ADGRE1: variants seen among roughly 807,000 people sequenced by gnomAD.
The protein encoded by ADGRE1 is EGF-like module receptor 1.
Under a neutral mutation model 102.7 loss-of-function variants are expected in ADGRE1, and 82 were observed. That is an observed-to-expected ratio of 0.80 (90% confidence interval 0.67 to 0.96). The LOEUF (loss-of-function observed/expected upper bound fraction) is 0.96. Among genes scored for constraint, ADGRE1 ranks in the 40% least tolerant of loss-of-function variants. ADGRE1 has a pLI of 0.00. For synonymous variants in ADGRE1, 398 were observed against 399.6 expected (o/e 1.00, Z 0.05); for missense variants, 1,032 against 1,085.3 (o/e 0.95, Z 0.69).
At chr19:6,908,821 GCA>G (rs1242897001) in intron 10 of ADGRE1, 49 bp downstream of exon 10, 1 of 1,557,478 alleles carries the variant, frequency 6.4e-7, no homozygotes, top group African/African-American at 1.4e-5. Context: ...AACATCTTGG[GCA>G]CACTTTGGGT....
chr19:6,906,915 A>G (rs1031214294), intron 9 of ADGRE1, among the ~76,000 whole-genome samples: 4 of 152,170 alleles, frequency 2.6e-5, no homozygotes, highest in Non-Finnish European at 5.9e-5. Flanking sequence ...CTGCAAGGGA[A>G]GCTGGGAAGA....
At position 6,926,584 on chromosome 19, in the gene ADGRE1, C is replaced by G. The variant is rs1974922220; in HGVS notation, c.2205C>G (p.Gly735=). ...VVISASVQPQ[G]YGMHNRCWLN... is the part of the protein sequence containing the mutation. ...TCTCTGCCAGTGTGCAGCCACAGGGCTATGGAATGCATAATCGGTGAGTGA... is the reference window on the plus strand; with the variant it reads ...TCTCTGCCAGTGTGCAGCCACAGGGGTATGGAATGCATAATCGGTGAGTGA... Residue 735 remains glycine (G), a synonymous_variant, in exon 16 of 21, where the codon GGC becomes GGG. Coordinates refer to ENST00000312053, the MANE Select transcript of ADGRE1 (RefSeq NM_001974.5). 6.2e-7 allele frequency: 1 copy of G among 1,614,088 alleles called. No homozygotes were observed. Among genetic ancestry groups the G allele is most frequent in the African/African-American group, 1.3e-5 (1 of 74,928 alleles).
In ADGRE1 at chr19:6,896,301, C is replaced by T. The variant is rs1241464374; in HGVS notation, c.95-97C>T. 4 of 1,255,380 alleles carry T rather than the reference C, an allele frequency of 3.2e-6. 1 individual carries two copies. The African/African-American group carries it at 4.5e-5, about 14-fold the overall frequency. 77.8% of individuals were successfully genotyped at this position (1,255,380 alleles called of 1,614,324 possible). ...ATCTTTTGGGAGGAACACAATCCAA[C>T]CCATAACAGTCACCTCCACCCTTGT... On this transcript the variant is annotated intron_variant, in intron 2 of 20. Coordinates refer to ENST00000312053, the MANE Select transcript of ADGRE1 (RefSeq NM_001974.5).
chr19:6,921,600 G>A lies in ADGRE1; in HGVS notation c.1621-113G>A, dbSNP rs559651633. ...ACCAGCATTTTTCCCCATTCCCTCA[G>A]AACATACCCTGTGTATTCTTGTTCC... On this transcript the variant is annotated intron_variant, in intron 13 of 20. Transcript: ENST00000312053. The A allele has an allele frequency of 4.1e-5, 52 of 1,267,580 alleles. No individual in the cohort carries two copies. The East Asian group carries it at 1.2e-3, about 30-fold the overall frequency. The allele number at this position is 1,267,580 out of a possible 1,614,324, so 78.5% of individuals were successfully genotyped here.
chr19:6,926,347 G>A lies in ADGRE1; in HGVS notation c.1987-19G>A, dbSNP rs72988231. 0.02 allele frequency: 32,376 copies of A among 1,612,060 alleles called. 595 individuals are homozygous for A. The highest frequency in any genetic ancestry group is 0.081 in the African/African-American group (6,050 of 74,970). On this transcript the variant is annotated intron_variant, in intron 15 of 20. Coordinates refer to ENST00000312053, the MANE Select transcript of ADGRE1 (RefSeq NM_001974.5). ...TCTCTGGGGTGGAGGATTCTGATGC[G>A]CATGCTTCTCCCCTCCAGATGGGCT...
Position 6,934,991 on chromosome 19 carries a change from A to C in ADGRE1, c.2294A>C (p.Asn765Thr), listed in dbSNP as rs917963527. 6.3e-7 allele frequency: 1 copy of C among 1,575,552 alleles called. No individual in the cohort carries two copies. Among genetic ancestry groups the C allele is most frequent in the Non-Finnish European group, 8.6e-7 (1 of 1,160,380 alleles). ...LGPVCTVIVI[N>T]SLLLTWTLWI... is the part of the protein sequence containing the mutation. ...TCCTTCTGCTTGACTTTGCAGATCA[A>C]CTCCCTTCTCCTGACCTGGACCTTG... Residue 765 changes from asparagine (N) to threonine (T), a missense_variant, in exon 18 of 21, where the codon AAC becomes ACC. Physicochemically the swap from Asn to Thr is moderately conservative, Grantham distance 65. Transcript: ENST00000312053.
intron 10 of ADGRE1, among the ~76,000 whole-genome samples, chr19:6,912,850 G>T (rs1974251931): frequency 6.6e-6 from 1 of 152,214 alleles, no homozygotes; most frequent in Non-Finnish European, 1.5e-5. Flanking sequence ...GGGAATTGCT[G>T]TGTCAAAGGG....
At position 6,921,884 on chromosome 19, in the gene ADGRE1, G is replaced by A. The variant is rs751602098; in HGVS notation, c.1791+1G>A. Reference sequence around the variant, plus strand: ...TATCATGGCGTCTGGGGAGCTCACGGTCAGTACTGATGATTTGTTCCCTGA... The same window carrying A: ...TATCATGGCGTCTGGGGAGCTCACGATCAGTACTGATGATTTGTTCCCTGA... On this transcript the variant is annotated splice_donor_variant, in intron 14 of 20. Transcript: ENST00000312053. LOFTEE classifies it high-confidence loss of function. The A allele has an allele frequency of 9.3e-6, 15 of 1,611,056 alleles. No individual in the cohort carries two copies. Among genetic ancestry groups the A allele is most frequent in the Admixed American group, 5.0e-5 (3 of 59,418 alleles).
intron 9 of ADGRE1, 108 bp from the exon 10 acceptor site, chr19:6,908,581 A>G (rs2144930382): frequency 2.3e-6 from 2 of 874,474 alleles, no homozygotes; most frequent in Middle Eastern, 2.4e-4. Context: ...AGGAATTCAG[A>G]GCCACCTCAT....
intron 10 of ADGRE1, among the ~76,000 whole-genome samples, chr19:6,911,831 TACAC>T (rs60293701): frequency 6.1e-5 from 9 of 148,494 alleles, no homozygotes; most frequent in Non-Finnish European, 8.9e-5. Context: ...TACAAATGCA[TACAC>T]ACACACCCCA....
rs866832143 is a variant in ADGRE1, at chr19:6,898,270, A to C, written c.514+723A>C. On this transcript the variant is annotated intron_variant, in intron 5 of 20. Transcript: ENST00000312053. ...TTTGGCAAAATACAGTCTTCTATCT[A>C]GTATAAGTGAATTTGTAACTCCAAT... The C allele has an allele frequency of 2.5e-5, 39 of 1,569,888 alleles. No individual in the cohort carries two copies. The Middle Eastern group carries it at 8.4e-4, about 34-fold the overall frequency.
At chr19:6,916,548 A>G (rs1412021089) in intron 12 of ADGRE1, among the ~76,000 whole-genome samples, 180 bp downstream of exon 12, 2 of 149,284 alleles carry the variant, frequency 1.3e-5, no homozygotes, top group African/African-American at 4.9e-5. Flanking sequence ...TAACCTTATA[A>G]TACTGGAGTA....
chr19:6,926,411 GC>G lies in ADGRE1; in HGVS notation c.2034del (p.Cys679AlafsTer10). 6.2e-7 allele frequency: 1 copy of G among 1,614,192 alleles called. No individual in the cohort carries two copies. Among genetic ancestry groups the G allele is most frequent in the Non-Finnish European group, 8.5e-7 (1 of 1,180,046 alleles). ...IAGFLHYLFL[A>X]CFFWMLVEAV... ...GGGCTTCCTGCACTACCTTTTCCTTGCCTGCTTCTTCTGGATGCTGGTGGAG... is the reference window on the plus strand; with the variant it reads ...GGGCTTCCTGCACTACCTTTTCCTTGCTGCTTCTTCTGGATGCTGGTGGAG... On this transcript the variant is annotated frameshift_variant, in exon 16 of 21. Transcript: ENST00000312053. LOFTEE classifies it high-confidence loss of function.
chr19:6,939,524 C>T (rs754501081), intron 20 of ADGRE1, among the ~76,000 whole-genome samples: 1 of 152,038 alleles, frequency 6.6e-6, no homozygotes, highest in Non-Finnish European at 1.5e-5. Context: ...TGGGTTTTCC[C>T]CAGTTTTCCA....
chr19:6,926,344 T>C (rs4807915), intron 15 of ADGRE1, 22 bp from the exon 16 acceptor site: 420,285 of 1,610,606 alleles, frequency 0.26, 61,359 homozygotes, highest in African/African-American at 0.59. Context: ...AGGATTCTGA[T>C]GCGCATGCTT....
At position 6,896,843 on chromosome 19, in the gene ADGRE1, C is replaced by T. The variant is rs149803122; in HGVS notation, c.238+302C>T. 5.0e-4 allele frequency: 241 copies of T among 478,944 alleles called. 3 individuals carry two copies. The highest frequency in any genetic ancestry group is 4.2e-3 in the African/African-American group (212 of 50,900). The allele number at this position is 478,944 out of a possible 1,614,324, so 29.7% of individuals were successfully genotyped here. The stretch of plus-strand genomic sequence containing the variant: ...TTTGATCATGTAAATAATTCCTGGT[C>T]ACTGTAAAATTTCATGGATGGTTGA... On this transcript the variant is annotated intron_variant, in intron 3 of 20. Transcript: ENST00000312053.
At chr19:6,937,169 C>T (rs1975445708) in intron 18 of ADGRE1, 74 bp from the exon 19 acceptor site, 1 of 1,526,314 alleles carries the variant, frequency 6.6e-7, no homozygotes, top group Admixed American at 1.9e-5. Context: ...CACCTCAGAC[C>T]ATTCCTGGAA....
rs1244772116 is a variant in ADGRE1, at chr19:6,896,587, C to T, written c.238+46C>T. 3.1e-6 allele frequency: 5 copies of T among 1,596,132 alleles called. No individual in the cohort carries two copies. The South Asian group carries it at 4.5e-5, about 14-fold the overall frequency. On this transcript the variant is annotated intron_variant, in intron 3 of 20. Coordinates refer to ENST00000312053, the MANE Select transcript of ADGRE1 (RefSeq NM_001974.5). ...ACCATCCAGCATTTGGTAGGAAAAT[C>T]AAGTCAAAGCTGGCTGGGTATTGAA...
At chr19:6,939,121 G>A (rs1329330094) in intron 20 of ADGRE1, among the ~76,000 whole-genome samples, 2 of 151,980 alleles carry the variant, frequency 1.3e-5, no homozygotes, top group Non-Finnish European at 2.9e-5. Flanking sequence ...TGAGGAAACC[G>A]AATGTCATAG....
Sources: allele counts gnomAD v4.1 joint callset (sites outside exome capture counted in the v4.1 genomes callset), GRCh38; gene constraint gnomAD v4.1.1; transcripts MANE v1.5; gene names NCBI Gene and HGNC (gene_info 2026-07-23, HGNC 2026-07-21).